ERCC6: variants seen among roughly 807,000 people sequenced by gnomAD.
ERCC6 encodes ERCC excision repair 6, chromatin remodeling factor.
Under a neutral mutation model 158.7 loss-of-function variants are expected in ERCC6, and 116 were observed. The ratio of observed to expected loss-of-function variants is 0.73; its 90% CI spans 0.63 to 0.85. ERCC6 has a LOEUF of 0.85. Ranked by LOEUF, ERCC6 falls within the 40% of genes least tolerant of loss-of-function variation. The pLI, the probability that ERCC6 is intolerant of heterozygous loss-of-function variation, is 0.00. For synonymous variants in ERCC6, 678 were observed against 659.3 expected (o/e 1.03, Z -0.43); for missense variants, 1,698 against 1,799.4 (o/e 0.94, Z 1.02).
At position 49,459,081 on chromosome 10, in the gene ERCC6, C is replaced by G; in HGVS notation, c.4216G>C (p.Glu1406Gln). ...RNHLILPERL[E>Q]SESGHLQEAS... ...TCCTGCAGGTGCCCGCTTTCACTTTCTAAACGCTCTGGCAGAATCAGGTGG... is the reference window on the plus strand; with the variant it reads ...TCCTGCAGGTGCCCGCTTTCACTTTGTAAACGCTCTGGCAGAATCAGGTGG... Residue 1406 changes from glutamate to glutamine, a missense_variant, in exon 21 of 21, where the codon GAA becomes CAA. Coordinates refer to ENST00000355832, the MANE Select transcript of ERCC6 (RefSeq NM_000124.4). The G allele has an allele frequency of 6.2e-7, 1 of 1,614,198 alleles. No homozygotes were observed. The highest frequency in any genetic ancestry group is 2.2e-5 in the East Asian group (1 of 44,884).
At chr10:49,485,968 T>C (rs772444165) in intron 8 of ERCC6, among the ~76,000 whole-genome samples, 18 of 152,048 alleles carry the variant, frequency 1.2e-4, no homozygotes, top group Admixed American at 2.0e-4. Flanking sequence ...AGTTGTAATA[T>C]GGGAATTATC....
chr10:49,483,471 T>A lies in ERCC6; in HGVS notation c.1867A>T (p.Thr623Ser), dbSNP rs777770092. The change falls in exon 9 of 21, where the codon ACA becomes TCA. Residue 623 changes from threonine (T) to serine (S), a missense_variant. Transcript: ENST00000355832. The stretch of plus-strand genomic sequence containing the variant: ...ATCAATCGAATGTAGGAGTAAGATG[T>A]GATCAAAATTCCATGACAATGAGCA... ...DVAHCHGILI[T>S]SYSYIRLMQD... The A allele has an allele frequency of 6.2e-7, 1 of 1,614,162 alleles. No individual in the cohort carries two copies. Among genetic ancestry groups the A allele is most frequent in the South Asian group, 1.1e-5 (1 of 91,082 alleles).
rs929872916 is a variant in ERCC6 at position 49,532,845 on chromosome 10, C to A, written c.120G>T (p.Glu40Asp). ...AACGAAAGGAGAGGTACTCCTCCAC[C>A]TCCCCATCACCACCACTTTCTTGCT... ...AIKQESGGDG[E>D]VEEYLSFRSV... Residue 40 changes from glutamate (E) to aspartate (D), a missense_variant, in exon 2 of 21, where the codon GAG becomes GAT. Glu to Asp is a conservative substitution (Grantham distance 45, BLOSUM62 2). Transcript: ENST00000355832. 3 of 1,614,122 alleles carry A rather than the reference C, an allele frequency of 1.9e-6. No homozygotes were observed. The highest frequency in any genetic ancestry group is 2.5e-6 in the Non-Finnish European group (3 of 1,180,052).
intron 5 of ERCC6, among the ~76,000 whole-genome samples, chr10:49,507,617 T>C (rs1851465862): frequency 6.6e-6 from 1 of 152,172 alleles, no homozygotes; most frequent in Non-Finnish European, 1.5e-5. Flanking sequence ...TTTAGTTAAA[T>C]GCAATGGTGT....
chr10:49,474,789 C>G (rs570287033), intron 12 of ERCC6, among the ~76,000 whole-genome samples: 3 of 152,046 alleles, frequency 2.0e-5, no homozygotes, highest in African/African-American at 4.8e-5. Context: ...TAGGAATGCA[C>G]GAATGGGAAA....
intron 5 of ERCC6, 32 bp downstream of exon 5, chr10:49,524,001 G>A (rs1371672621): frequency 2.5e-6 from 4 of 1,610,272 alleles, no homozygotes; most frequent in African/African-American, 2.7e-5. Context: ...AAAGCAAACA[G>A]TACAATGTAT....
At chr10:49,453,417 T>C (rs1009431435), downstream of ERCC6, among the ~76,000 whole-genome samples, 26 of 152,130 alleles carry the variant, frequency 1.7e-4, no homozygotes, top group African/African-American at 5.8e-4. Flanking sequence ...CTGCCATCAT[T>C]TAATTAGTCT....
intron 20 of ERCC6, 97 bp downstream of exon 20, chr10:49,460,276 G>T (rs1307124039): frequency 3.6e-6 from 3 of 844,232 alleles, no homozygotes; most frequent in Non-Finnish European, 6.2e-6. Flanking sequence ...TTACACCAGA[G>T]ATGACCATTT....
chr10:49,474,143 C>T lies in ERCC6; in HGVS notation c.2482G>A (p.Glu828Lys). 1 of 1,614,118 alleles carries T rather than the reference C, an allele frequency of 6.2e-7. No homozygotes were observed. Among genetic ancestry groups the T allele is most frequent in the Non-Finnish European group, 8.5e-7 (1 of 1,180,022 alleles). ...NLKGLPDDEL[E>K]EDQFGYWKRS... The stretch of plus-strand genomic sequence containing the variant: ...TTCCAGTACCCAAACTGATCTTCTT[C>T]TAGTTCATCATCAGGAAGACCTTTG... The change falls in exon 13 of 21, where the codon GAA becomes AAA. Residue 828 changes from glutamate to lysine, a missense_variant. Coordinates refer to ENST00000355832, the MANE Select transcript of ERCC6 (RefSeq NM_000124.4).
intron 12 of ERCC6, among the ~76,000 whole-genome samples, chr10:49,474,475 C>T (rs549896217): frequency 5.2e-4 from 79 of 152,278 alleles, no homozygotes; most frequent in African/African-American, 1.8e-3. Context: ...GGACTGAACA[C>T]GTCTACAGGG....
intron 7 of ERCC6, among the ~76,000 whole-genome samples, chr10:49,499,623 C>T (rs923802418): frequency 6.6e-6 from 1 of 152,182 alleles, no homozygotes; most frequent in African/African-American, 2.4e-5. Flanking sequence ...ACAAGGAGCT[C>T]GGACTTATCT....
rs973741292 is a variant in ERCC6 at position 49,454,941 on chromosome 10, AT to A, written c.*3873del. 5.6e-4 allele frequency among the ~76,000 whole-genome samples: 85 copies of A among 152,138 alleles called. No individual in the cohort carries two copies. The highest frequency in any genetic ancestry group is 1.9e-3 in the African/African-American group (80 of 41,418). Reference sequence around the variant, plus strand: ...TACATCAGGAGGAAAATAATAAACTATTTTTTAAAGGTGCTAGGGAAACTAG... The same window carrying A: ...TACATCAGGAGGAAAATAATAAACTATTTTTAAAGGTGCTAGGGAAACTAG... On this transcript the variant is annotated 3_prime_UTR_variant, in exon 21 of 21. Coordinates refer to ENST00000355832, the MANE Select transcript of ERCC6 (RefSeq NM_000124.4).
chr10:49,482,694 G>A lies in ERCC6; in HGVS notation c.2162C>T (p.Pro721Leu). Residue 721 changes from proline to leucine, a missense_variant, in exon 10 of 21, where the codon CCA becomes CTA. By Grantham distance (98) the Pro-to-Leu change is moderately conservative. Coordinates refer to ENST00000355832, the MANE Select transcript of ERCC6 (RefSeq NM_000124.4). ...ITMGGYSNASPVQVKTAYKCA... is the reference protein window; with the variant it reads ...ITMGGYSNASLVQVKTAYKCA... ...ATCATCCTAATATTTTACCTGTACT[G>A]GGGAAGCATTTGAATATCCCCCCAT... is the stretch of plus-strand genomic sequence containing the variant. 6.2e-7 allele frequency: 1 copy of A among 1,613,566 alleles called. No individual in the cohort carries two copies. Among genetic ancestry groups the A allele is most frequent in the Non-Finnish European group, 8.5e-7 (1 of 1,179,766 alleles).
intron 4 of ERCC6, among the ~76,000 whole-genome samples, chr10:49,526,642 C>T (rs1279931806): frequency 2.6e-5 from 4 of 152,164 alleles, no homozygotes; most frequent in African/African-American, 4.8e-5. Flanking sequence ...GGTCTTTACA[C>T]TGAGTATTTT....
At chr10:49,471,488 T>C (rs970454197) in intron 16 of ERCC6, among the ~76,000 whole-genome samples, 1 of 152,066 alleles carries the variant, frequency 6.6e-6, no homozygotes, top group African/African-American at 2.4e-5. Flanking sequence ...CTTCCTATCA[T>C]AGGGCTCAGC....
downstream of ERCC6, among the ~76,000 whole-genome samples, chr10:49,454,278 T>C (rs1850452883): frequency 6.6e-6 from 1 of 152,204 alleles, no homozygotes; most frequent in Non-Finnish European, 1.5e-5. Context: ...ACTTCATGAA[T>C]TTAGCTCTTG....
intron 7 of ERCC6, 94 bp from the exon 8 acceptor site, chr10:49,493,346 T>G: frequency 6.7e-7 from 1 of 1,492,964 alleles, no homozygotes; most frequent in Non-Finnish European, 9.2e-7. Context: ...AACAAAAAAC[T>G]TAGTTCAAAA....
At chr10:49,533,216 T>C (rs1837515184) in intron 1 of ERCC6, among the ~76,000 whole-genome samples, 2 of 152,204 alleles carry the variant, frequency 1.3e-5, no homozygotes, top group East Asian at 1.9e-4. Flanking sequence ...ACAAAGGACA[T>C]TTAGGCAGCC....
chr10:49,472,589 T>A, intron 15 of ERCC6, 119 bp from the exon 16 acceptor site: 1 of 1,033,774 alleles, frequency 9.7e-7, no homozygotes, highest in Non-Finnish European at 1.5e-6. Flanking sequence ...TTTTGACTCA[T>A]GACGTCAAGT....
Sources: gnomAD v4.1 joint callset for allele counts (sites outside exome capture counted in the v4.1 genomes callset) on GRCh38, gnomAD v4.1.1 for gene constraint, MANE v1.5 for transcripts, NCBI Gene and HGNC (gene_info 2026-07-23, HGNC 2026-07-21) for gene names.